The following TTN variants were observed in gnomAD, a reference collection of about 807,000 sequenced individuals.
The protein encoded by TTN is connectin.
Under a neutral mutation model 3,223.0 loss-of-function variants are expected in TTN, and 1,525 were observed. The ratio of observed to expected loss-of-function variants is 0.47; its 90% CI spans 0.45 to 0.49. TTN has a LOEUF of 0.49. Among genes scored for constraint, TTN ranks in the 20% least tolerant of loss-of-function variants. The pLI, the probability that TTN is intolerant of heterozygous loss-of-function variation, is 0.00. For synonymous variants in TTN, 14,094 were observed against 15,161.0 expected, an observed-to-expected ratio of 0.93 and a Z score of 5.17; for missense variants, 40,786 against 43,424.0, an observed-to-expected ratio of 0.94 and a Z score of 5.40.
rs2090028411 is a variant in TTN, at chr2:178,764,638, C to G, written c.9877G>C (p.Glu3293Gln). The change falls in exon 42 of 363, where the codon GAA (glutamate) becomes CAA (glutamine). Residue 3293 changes from glutamate to glutamine, a missense_variant. Physicochemically the swap from Glu to Gln is conservative, Grantham distance 29. Transcript: ENST00000589042. ...FKCKFLHDGQ[E>Q]YTLLLIEAFP... Reference sequence around the variant, plus strand: ...GCTTCAATTAGCAAAAGCGTGTATTCTTGCCCATCATGAAGAAATTTGCAC... The same window carrying G: ...GCTTCAATTAGCAAAAGCGTGTATTGTTGCCCATCATGAAGAAATTTGCAC... The G allele has an allele frequency of 2.5e-6, 4 of 1,614,098 alleles. No individual in the cohort carries two copies. Among genetic ancestry groups the G allele is most frequent in the Non-Finnish European group, 3.4e-6 (4 of 1,179,988 alleles).
At chr2:178,553,850 C>A (rs1700285648) in intron 333 of TTN, 43 bp from the exon 334 acceptor site, 1 of 1,561,404 alleles carries the variant, frequency 6.4e-7, no homozygotes, top group East Asian at 2.3e-5. Flanking sequence ...CAATCATGTA[C>A]AATTTAGTCA....
At chr2:178,761,471 A>T (rs2089181902) in intron 43 of TTN, among the ~76,000 whole-genome samples, 1 of 152,138 alleles carries the variant, frequency 6.6e-6, no homozygotes, top group Non-Finnish European at 1.5e-5. Context: ...CTGTACTTAA[A>T]CCACTTGCTT....
intron 217 of TTN, 88 bp from the exon 218 acceptor site, chr2:178,644,704 C>A: frequency 9.6e-7 from 1 of 1,037,956 alleles, no homozygotes; most frequent in Non-Finnish European, 1.4e-6. Flanking sequence ...CAAAACCAAG[C>A]TTTGCTTATA....
rs747776359 is a variant in TTN at position 178,750,248 on chromosome 2, T to C, written c.11311+2876A>G. On this transcript the variant is annotated intron_variant, in intron 47 of 362. Transcript: ENST00000589042. ...TAACTCTTCTTCCTCATCCAAGTAGTCATGGAACACTGGGACTTTATGTGC... is the reference window on the plus strand; with the variant it reads ...TAACTCTTCTTCCTCATCCAAGTAGCCATGGAACACTGGGACTTTATGTGC... 3 of 1,613,148 alleles carry C rather than the reference T, an allele frequency of 1.9e-6. No homozygotes were observed. The East Asian group carries it at 6.7e-5, about 36-fold the overall frequency.
intron 120 of TTN, 68 bp from the exon 121 acceptor site, chr2:178,692,167 A>C: frequency 7.2e-7 from 1 of 1,387,160 alleles, no homozygotes; most frequent in Non-Finnish European, 1.0e-6. Context: ...CTAAGATTAC[A>C]TTAAAGCATA....
At chr2:178,664,562 A>G (rs746713601) in intron 167 of TTN, 25 bp from the exon 168 acceptor site, 15 of 1,606,508 alleles carry the variant, frequency 9.3e-6, no homozygotes, top group Admixed American at 1.7e-5. Flanking sequence ...ATAATTTTAC[A>G]TTTAGAAGTT....
rs745477975 is a variant in TTN, at chr2:178,619,985, T to C, written c.46429+3A>G. ...TAGAATTGTTTTTTCACTTAATATG[T>C]ACCTTCCACAAAAAGTCTAGCACGA... is the stretch of plus-strand genomic sequence containing the variant. On this transcript the variant is annotated splice_donor_region_variant and intron_variant, in intron 249 of 362. Transcript: ENST00000589042. 1.2e-6 allele frequency: 2 copies of C among 1,608,244 alleles called. No individual in the cohort carries two copies. Among genetic ancestry groups the C allele is most frequent in the Non-Finnish European group, 1.7e-6 (2 of 1,177,866 alleles).
intron 223 of TTN, among the ~76,000 whole-genome samples, chr2:178,638,301 A>T (rs1203002093): frequency 6.6e-6 from 1 of 150,948 alleles, no homozygotes; most frequent in Non-Finnish European, 1.5e-5. Context: ...AATTTTAAAT[A>T]AAAAAATTTC....
Position 178,624,469 on chromosome 2 carries a change from G to A in TTN, c.44811C>T (p.Val14937=), listed in dbSNP as rs753145038. 25 of 1,612,038 alleles carry A rather than the reference G, an allele frequency of 1.6e-5. No individual in the cohort carries two copies. The East Asian group carries it at 1.8e-4, about 12-fold the overall frequency. ...KDFKTSCNLN[V]VPPHVEFLRP... is the part of the protein sequence containing the mutation. ...CTTTGTAAGAAGAATACTTACGCAC[G>A]ACATTCAGGTTACAGGAAGTCTTAA... Residue 14937 remains valine, a synonymous_variant, in exon 242 of 363, where the codon GTC becomes GTT. Transcript: ENST00000589042.
In TTN at chr2:178,722,668, T is replaced by C. The variant is rs780911294; in HGVS notation, c.22231A>G (p.Arg7411Gly). Residue 7411 changes from arginine (R) to glycine (G), a missense_variant, in exon 76 of 363, where the codon AGA (arginine) becomes GGA (glycine). Physicochemically the swap from Arg to Gly is moderately radical, Grantham distance 125. Coordinates refer to ENST00000589042, the MANE Select transcript of TTN (RefSeq NM_001267550.2). ...IGTASSKTVF[R>G]IQERQLPPSF... is the part of the protein sequence containing the mutation. ...TGTAAAATATCATCACCTTGAATTC[T>C]GAACACAGTCTTAGAAGAAGCAGTT... 6.2e-7 allele frequency: 1 copy of C among 1,607,502 alleles called. No individual in the cohort carries two copies. The highest frequency in any genetic ancestry group is 1.7e-5 in the Admixed American group (1 of 59,396).
intron 100 of TTN, 106 bp downstream of exon 100, chr2:178,707,420 C>T: frequency 7.4e-7 from 1 of 1,350,416 alleles, no homozygotes; most frequent in Non-Finnish European, 9.8e-7. Context: ...TGAGCAACAA[C>T]TGATATTTCT....
In TTN at chr2:178,532,393, G is replaced by C. The variant is rs727505306; in HGVS notation, c.104222C>G (p.Thr34741Arg). The C allele has an allele frequency of 6.2e-7, 1 of 1,613,818 alleles. No homozygotes were observed. The highest frequency in any genetic ancestry group is 1.7e-5 in the Admixed American group (1 of 59,992). ...YHIPTKAEAS[T>R]SYAELRERHA... Reference sequence around the variant, plus strand: ...CCGTTCCCTCAGTTCTGCATAACTTGTACTAGCTTCAGCCTTCGTTGGGAT... The same window carrying C: ...CCGTTCCCTCAGTTCTGCATAACTTCTACTAGCTTCAGCCTTCGTTGGGAT... The change falls in exon 358 of 363, where the codon ACA becomes AGA. Residue 34741 changes from threonine to arginine, a missense_variant. Thr to Arg is a moderately conservative substitution (Grantham distance 71). Coordinates refer to ENST00000589042, the MANE Select transcript of TTN (RefSeq NM_001267550.2).
chr2:178,707,727 G>T lies in TTN; in HGVS notation c.28840C>A (p.Gln9614Lys). ...GEYVQLSCHVQGSEPIRIQWL... is the reference protein window; with the variant it reads ...GEYVQLSCHVKGSEPIRIQWL... ...TGGATCCTAATTGGCTCAGATCCCT[G>T]GACATGGCAGCTGAGCTGCACGTAT... The change falls in exon 100 of 363, where the codon CAG becomes AAG. Residue 9614 changes from glutamine (Q) to lysine (K), a missense_variant. Transcript: ENST00000589042. 3 of 1,613,950 alleles carry T rather than the reference G, an allele frequency of 1.9e-6. No individual in the cohort carries two copies. Among genetic ancestry groups the T allele is most frequent in the Non-Finnish European group, 2.5e-6 (3 of 1,179,846 alleles).
rs876658097 is a variant in TTN at position 178,535,246 on chromosome 2, A to G, written c.101369T>C (p.Met33790Thr). ...TITKEDKTRA[M>T]NYDEEVDETR... is the part of the protein sequence containing the mutation. ...TTCATCTACCTCTTCATCATAGTTC[A>G]TAGCTCTGGTCTTATCTTCTTTGGT... The change falls in exon 358 of 363, where the codon ATG becomes ACG. Residue 33790 changes from methionine to threonine, a missense_variant. Physicochemically the swap from Met to Thr is moderately conservative, Grantham distance 81 (BLOSUM62 -1). Transcript: ENST00000589042. The G allele has an allele frequency of 1.9e-6, 3 of 1,613,798 alleles. No individual in the cohort carries two copies. Among genetic ancestry groups the G allele is most frequent in the East Asian group, 4.5e-5 (2 of 44,882 alleles).
rs1482776876 is a variant in TTN at position 178,575,647 on chromosome 2, T to A, written c.70485A>T (p.Lys23495Asn). 21 of 1,613,594 alleles carry A rather than the reference T, an allele frequency of 1.3e-5. No individual in the cohort carries two copies. Among genetic ancestry groups the A allele is most frequent in the Non-Finnish European group, 1.4e-5 (17 of 1,179,660 alleles). ...ATTKCHKCTY[K>N]VTGLSEGCEY... ...CACACCCTTCAGACAAGCCGGTAAC[T>A]TTATATGTGCATTTATGGCACTTAG... Residue 23495 changes from lysine to asparagine, a missense_variant, in exon 326 of 363, where the codon AAA (lysine) becomes AAT (asparagine). Transcript: ENST00000589042. This position sits in a 1 kb window ranked among gnomAD's most constrained non-coding sequence, Gnocchi z 4.0.
intron 98 of TTN, among the ~76,000 whole-genome samples, 156 bp downstream of exon 98, chr2:178,710,479 A>C (rs2076495251): frequency 6.6e-6 from 1 of 152,154 alleles, no homozygotes; most frequent in Non-Finnish European, 1.5e-5. Context: ...TTAAAAAATG[A>C]CTTCTTCTCT....
At position 178,552,996 on chromosome 2, in the gene TTN, A is replaced by G; in HGVS notation, c.89904T>C (p.Tyr29968=). 3 of 1,611,910 alleles carry G rather than the reference A, an allele frequency of 1.9e-6. No individual in the cohort carries two copies. Among genetic ancestry groups the G allele is most frequent in the East Asian group, 2.2e-5 (1 of 44,806 alleles). The change falls in exon 335 of 363, where the codon TAT becomes TAC. Residue 29968 remains tyrosine (Y), a synonymous_variant. Coordinates refer to ENST00000589042, the MANE Select transcript of TTN (RefSeq NM_001267550.2). ...LIDGGSPIIN[Y]VIEKRDATKR... ...TGGTGGCATCTCTCTTTTCAATGAC[A>G]TAATTAATTATTGGAGATCCTCCAT...
At chr2:178,527,864 C>T (rs1293676834) in intron 361 of TTN, 116 bp from the exon 362 acceptor site, 1 of 992,346 alleles carries the variant, frequency 1.0e-6, no homozygotes, top group Non-Finnish European at 1.4e-6. Flanking sequence ...ATAACCCAAA[C>T]AATTTGCTGT....
rs569803137 is a variant in TTN, at chr2:178,549,133, T to C, written c.92493A>G (p.Thr30831=). The C allele has an allele frequency of 4.3e-6, 7 of 1,613,890 alleles. No homozygotes were observed. The East Asian group carries it at 1.3e-4, about 31-fold the overall frequency. Reference sequence around the variant, plus strand: ...AGCTCACAGTTGTCTTTGATGTGTCTGTTACTTTGACCACTGTGGGAGGAC... The same window carrying C: ...AGCTCACAGTTGTCTTTGATGTGTCCGTTACTTTGACCACTGTGGGAGGAC... The part of the protein sequence containing the change: ...PPGPPTVVKV[T]DTSKTTVSLE... The change falls in exon 339 of 363, where the codon ACA becomes ACG. Residue 30831 remains threonine, a synonymous_variant. Transcript: ENST00000589042.
Sources: allele counts gnomAD v4.1 joint callset (sites outside exome capture counted in the v4.1 genomes callset), GRCh38; gene constraint gnomAD v4.1.1; non-coding constraint Gnocchi (gnomAD v3.1); transcripts MANE v1.5; gene names NCBI Gene and HGNC (gene_info 2026-07-23, HGNC 2026-07-21).